CTNNA2: variants seen among roughly 807,000 people sequenced by gnomAD.
CTNNA2 encodes the protein catenin alpha-2.
A neutral mutation model predicts 101.0 loss-of-function variants in CTNNA2; 42 were observed. The ratio of observed to expected loss-of-function variants is 0.42; its 90% CI spans 0.32 to 0.54. The LOEUF (loss-of-function observed/expected upper bound fraction) is 0.54. Among genes scored for constraint, CTNNA2 ranks in the 20% least tolerant of loss-of-function variants. The pLI is 0.14. For missense variants in CTNNA2, 871 were observed against 1,223.1 expected, an observed-to-expected ratio of 0.71 and a Z score of 4.29; for synonymous variants, 450 against 456.4, an observed-to-expected ratio of 0.99 and a Z score of 0.18.
At position 80,213,851 on chromosome 2, in the gene CTNNA2, G is replaced by T. The variant is rs566824284; in HGVS notation, c.1057-179360G>T. ...CCATTATTATTATGTGGGAGTCTAAGTCTCTTTGTTGGTCTCTAAGGACTT... is the reference window on the plus strand; with the variant it reads ...CCATTATTATTATGTGGGAGTCTAATTCTCTTTGTTGGTCTCTAAGGACTT... On this transcript the variant is annotated intron_variant, in intron 7 of 18. Transcript: ENST00000402739. 4.6e-5 allele frequency among the ~76,000 whole-genome samples: 7 copies of T among 152,272 alleles called. No homozygotes were observed. In the South Asian group the frequency reaches 1.4e-3, roughly 32 times the overall value.
intron 4 of CTNNA2, among the ~76,000 whole-genome samples, chr2:79,471,306 T>TAAG (rs1670995821): frequency 6.6e-6 from 1 of 152,162 alleles, no homozygotes; most frequent in Non-Finnish European, 1.5e-5. Context: ...CTTAGTGGCT[T>TAAG]ATAAAGAACA....
At chr2:80,580,392 T>A (rs1332639535) in intron 13 of CTNNA2, among the ~76,000 whole-genome samples, 1 of 152,194 alleles carries the variant, frequency 6.6e-6, no homozygotes, top group Non-Finnish European at 1.5e-5. Context: ...TAAGCAATTT[T>A]ATAACTTCAG....
chr2:80,316,479 A>G (rs1483079424), intron 7 of CTNNA2, among the ~76,000 whole-genome samples: 3 of 152,198 alleles, frequency 2.0e-5, no homozygotes, highest in African/African-American at 4.8e-5. Flanking sequence ...ATATCTCTAG[A>G]ACATGTGCAA....
At chr2:79,829,405 A>ACG (rs1194987731) in intron 3 of CTNNA2, among the ~76,000 whole-genome samples, 1 of 147,834 alleles carries the variant, frequency 6.8e-6, no homozygotes, top group Non-Finnish European at 1.5e-5. Context: ...ACACACACAC[A>ACG]CACACACACA....
chr2:79,800,240 G>A (rs571792073), intron 3 of CTNNA2, among the ~76,000 whole-genome samples: 2 of 150,426 alleles, frequency 1.3e-5, no homozygotes, highest in East Asian at 3.9e-4. Flanking sequence ...AGAAAACTAA[G>A]AATTTCTGGG....
In CTNNA2 at chr2:79,997,047, C is replaced by A. The variant is rs967741628; in HGVS notation, c.1056+87250C>A. Among the ~76,000 whole-genome samples, 65 of 152,062 alleles carry A rather than the reference C, an allele frequency of 4.3e-4. 1 individual carries two copies. The highest frequency in any genetic ancestry group is 3.6e-3 in the Admixed American group (55 of 15,254). ...TCAAAATCCGCCCAGCAAATTTTAC[C>A]CCCTCTCTTCTTCACCTCTCCTTTA... is the stretch of plus-strand genomic sequence containing the variant. On this transcript the variant is annotated intron_variant, in intron 7 of 18. Coordinates refer to ENST00000402739, the MANE Select transcript of CTNNA2 (RefSeq NM_001282597.3).
rs141012752 is a variant in CTNNA2, at chr2:79,588,864, A to G, written c.-5-62688A>G. Among the ~76,000 whole-genome samples, 324 of 152,290 alleles carry G rather than the reference A, an allele frequency of 2.1e-3. 3 individuals are homozygous for G. Among genetic ancestry groups the G allele is most frequent in the African/African-American group, 7.5e-3 (311 of 41,570 alleles). ...CCGTATAGAAAGTTCACAGAATAAC[A>G]GATGTAGTCAAATGGAGGTAAGACC... is the stretch of plus-strand genomic sequence containing the variant. On this transcript the variant is annotated intron_variant, in intron 1 of 18. Coordinates refer to ENST00000402739, the MANE Select transcript of CTNNA2 (RefSeq NM_001282597.3).
chr2:80,621,222 A>G (rs1671087588), intron 18 of CTNNA2, among the ~76,000 whole-genome samples: 1 of 151,924 alleles, frequency 6.6e-6, no homozygotes, highest in South Asian at 2.1e-4. Flanking sequence ...ATTCTAATGC[A>G]TCCCTGCTCT....
chr2:80,565,812 A>T (rs1694009495), intron 12 of CTNNA2, among the ~76,000 whole-genome samples: 1 of 152,176 alleles, frequency 6.6e-6, no homozygotes. Context: ...AGATTTGCAT[A>T]TAAAATTTAG....
intron 18 of CTNNA2, among the ~76,000 whole-genome samples, chr2:80,640,416 G>A (rs567694026): frequency 6.6e-6 from 1 of 152,246 alleles, no homozygotes; most frequent in South Asian, 2.1e-4. Flanking sequence ...AGAAATGAGA[G>A]CTTGCTATCA....
chr2:80,639,535 GTGTGTC>G (rs1407969124), intron 18 of CTNNA2, among the ~76,000 whole-genome samples: 27 of 151,920 alleles, frequency 1.8e-4, no homozygotes, highest in African/African-American at 6.5e-4. Flanking sequence ...GTGTGTGTGT[GTGTGTC>G]TGTGTTTTTA....
intron 1 of CTNNA2, among the ~76,000 whole-genome samples, chr2:79,616,413 G>T (rs548967431): frequency 6.6e-6 from 1 of 152,014 alleles, no homozygotes; most frequent in Non-Finnish European, 1.5e-5. Flanking sequence ...CACTATTTAC[G>T]GTAGAGAAAT....
At chr2:80,599,644 G>T (rs778076789) in intron 15 of CTNNA2, among the ~76,000 whole-genome samples, 5 of 152,084 alleles carry the variant, frequency 3.3e-5, no homozygotes, top group African/African-American at 4.8e-5. Context: ...CCTGGGCCTT[G>T]AAACTTTCTT....
intron 3 of CTNNA2, among the ~76,000 whole-genome samples, chr2:79,827,168 A>G (rs936692350): frequency 1.3e-5 from 2 of 151,970 alleles, no homozygotes; most frequent in African/African-American, 4.8e-5. Flanking sequence ...CCTCCCGAGT[A>G]GCTAGGATTA....
rs10196020 is a variant in CTNNA2, at chr2:79,189,363, G to A, written c.-524+3932G>A. On this transcript the variant is annotated intron_variant, in intron 1 of 21. Transcript: ENST00000466387. Reference sequence around the variant, plus strand: ...CAATTTTTGGCTTTATTATTTTCTCGAATATGCTTTTATTTTCTACTTCAT... The same window carrying A: ...CAATTTTTGGCTTTATTATTTTCTCAAATATGCTTTTATTTTCTACTTCAT... Among the ~76,000 whole-genome samples, 305 of 151,418 alleles carry A rather than the reference G, an allele frequency of 2.0e-3. 2 individuals carry two copies. The highest frequency in any genetic ancestry group is 6.8e-3 in the African/African-American group (282 of 41,244).
chr2:79,263,586 C>T (rs890615554), intron 2 of CTNNA2, among the ~76,000 whole-genome samples: 3 of 152,162 alleles, frequency 2.0e-5, no homozygotes, highest in Non-Finnish European at 2.9e-5. Context: ...CAAAAACAGA[C>T]TAATACCATC....
chr2:80,543,984 G>A (rs1248583242), intron 9 of CTNNA2, among the ~76,000 whole-genome samples: 1 of 152,016 alleles, frequency 6.6e-6, no homozygotes, highest in Non-Finnish European at 1.5e-5. Flanking sequence ...CCAGCCTGAT[G>A]GGACTGATTG....
intron 7 of CTNNA2, among the ~76,000 whole-genome samples, chr2:80,089,202 A>AGT (rs1235318863): frequency 6.6e-6 from 1 of 151,960 alleles, no homozygotes; most frequent in African/African-American, 2.4e-5. Flanking sequence ...TGGATCTCAC[A>AGT]GTGTGTGCCA....
chr2:79,952,433 A>G (rs759035693), intron 7 of CTNNA2, among the ~76,000 whole-genome samples: 1 of 152,190 alleles, frequency 6.6e-6, no homozygotes, highest in Non-Finnish European at 1.5e-5. Flanking sequence ...GTAAAGATTA[A>G]TGGTGATGCT....
Sources: gnomAD v4.1 joint callset for allele counts (sites outside exome capture counted in the v4.1 genomes callset) on GRCh38, gnomAD v4.1.1 for gene constraint, MANE v1.5 for transcripts, NCBI Gene and HGNC (gene_info 2026-07-23, HGNC 2026-07-21) for gene names.